ZNF723: variants seen among roughly 807,000 people sequenced by gnomAD.
ZNF723 encodes zinc finger protein 723, pseudogene.
ZNF723 carries 5 observed loss-of-function variants against 9.4 expected under a neutral mutation model. The observed-to-expected ratio is 0.53, with a 90% CI of 0.28 to 1.12. The LOEUF is 1.12. ZNF723 is among the 50% of genes most tolerant of loss of function. The pLI, the probability that ZNF723 is intolerant of heterozygous loss-of-function variation, is 0.10. For missense variants in ZNF723, 450 were observed against 501.5 expected, an observed-to-expected ratio of 0.90 and a Z score of 0.98; for synonymous variants, 158 against 168.8, an observed-to-expected ratio of 0.94 and a Z score of 0.49.
intron 1 of ZNF723, among the ~76,000 whole-genome samples, chr19:22,844,960 A>G (rs1220340359): frequency 1.3e-5 from 2 of 152,180 alleles, no homozygotes; most frequent in South Asian, 2.1e-4. Flanking sequence ...TACTAAAAAT[A>G]GAAAAAAAAT....
Position 22,857,199 on chromosome 19 carries a change from A to G in ZNF723, c.308A>G (p.Tyr103Cys). ...DSFQKVILRS[Y>C]GKYGHDNLQL... is the part of the protein sequence containing the mutation. Reference sequence around the variant, plus strand: ...TTCCAAAAAGTAATACTGAGAAGCTATGGAAAATATGGACATGACAATTTA... The same window carrying G: ...TTCCAAAAAGTAATACTGAGAAGCTGTGGAAAATATGGACATGACAATTTA... The change falls in exon 4 of 4, where the codon TAT (tyrosine) becomes TGT (cysteine). Residue 103 changes from tyrosine to cysteine, a missense_variant. By Grantham distance (194) the Tyr-to-Cys change is radical (BLOSUM62 -2). Transcript: ENST00000600766. The G allele has an allele frequency of 4.4e-6, 4 of 905,960 alleles. No homozygotes were observed. Among genetic ancestry groups the G allele is most frequent in the Non-Finnish European group, 7.1e-6 (4 of 559,914 alleles). The allele number at this position is 905,960 out of a possible 1,614,324, so 56.1% of individuals were successfully genotyped here. A position where few individuals can be genotyped will look rare whatever the true frequency, so the allele number is the denominator to read the frequency against.
rs760924027 is a variant in ZNF723, at chr19:22,846,813, C to CTTTTTTTTTT, written c.4-1429_4-1420dup. On this transcript the variant is annotated intron_variant, in intron 1 of 3. Coordinates refer to ENST00000600766, the MANE Select transcript of ZNF723 (RefSeq NM_001349726.2). ...ATGGTTGCATTCAGCCTATAATTTC[C>CTTTTTTTTTT]TTTTTTTTTTTTTTTTTTTTTTTTT... 2.2e-4 allele frequency among the ~76,000 whole-genome samples: 15 copies of CTTTTTTTTTT among 69,114 alleles called. 1 individual carries two copies. The highest frequency in any genetic ancestry group is 4.9e-4 in the East Asian group (1 of 2,046). 45.3% of individuals were successfully genotyped at this position (69,114 alleles called of 152,430 possible).
At chr19:22,828,493 A>C (rs1458355084), upstream of ZNF723, among the ~76,000 whole-genome samples, 1 of 152,062 alleles carries the variant, frequency 6.6e-6, no homozygotes, top group Non-Finnish European at 1.5e-5. Context: ...TGTCTACTAA[A>C]AATACAAAAA....
chr19:22,814,319 G>T, the ZNF723 span, among the ~76,000 whole-genome samples: 20 of 152,282 alleles, frequency 1.3e-4, no homozygotes, highest in Admixed American at 3.3e-4. Context: ...ACGTAATAGG[G>T]CCAAGCACAC....
chr19:22,853,222 C>T (rs114597774), intron 3 of ZNF723, among the ~76,000 whole-genome samples: 2,212 of 151,918 alleles, frequency 0.015, 43 homozygotes, highest in African/African-American at 0.051. Flanking sequence ...TTCTGTAGCT[C>T]GTAATGTGTT....
the ZNF723 span, among the ~76,000 whole-genome samples, chr19:22,815,200 A>G: frequency 1.3e-5 from 2 of 152,128 alleles, no homozygotes; most frequent in African/African-American, 2.4e-5. Flanking sequence ...GTATTGTTAC[A>G]TATTGCTAGG....
intron 3 of ZNF723, among the ~76,000 whole-genome samples, chr19:22,851,139 C>T (rs1431446238): frequency 6.6e-6 from 1 of 150,944 alleles, no homozygotes; most frequent in Non-Finnish European, 1.5e-5. Flanking sequence ...TCTATATTTA[C>T]ATTTAACAGA....
the ZNF723 span, among the ~76,000 whole-genome samples, chr19:22,823,156 G>A: frequency 1.3e-5 from 2 of 152,154 alleles, no homozygotes; most frequent in Non-Finnish European, 2.9e-5. Context: ...GTTTATACCA[G>A]CACATAGATC....
chr19:22,825,875 C>A, the ZNF723 span, among the ~76,000 whole-genome samples: 37 of 152,366 alleles, frequency 2.4e-4, no homozygotes, highest in African/African-American at 8.9e-4. Context: ...TGTAAGTGGA[C>A]CCAGCACCTA....
chr19:22,831,788 A>G (rs1413305714), upstream of ZNF723, among the ~76,000 whole-genome samples: 2 of 151,934 alleles, frequency 1.3e-5, no homozygotes, highest in Non-Finnish European at 2.9e-5. Context: ...GGCGCCTGTA[A>G]TCCCAGCTAC....
chr19:22,850,208 A>T (rs1482876555), intron 3 of ZNF723, among the ~76,000 whole-genome samples: 2 of 151,942 alleles, frequency 1.3e-5, no homozygotes, highest in African/African-American at 2.4e-5. Flanking sequence ...AAAAGATAGC[A>T]CTGGAGGCTT....
intron 1 of ZNF723, among the ~76,000 whole-genome samples, chr19:22,834,884 G>A (rs1043520762): frequency 1.3e-5 from 2 of 152,086 alleles, no homozygotes; most frequent in Non-Finnish European, 1.5e-5. Context: ...GTGAGAAAGT[G>A]CAAGAATTTG....
At chr19:22,837,240 G>A (rs454668) in intron 1 of ZNF723, among the ~76,000 whole-genome samples, 15,685 of 149,358 alleles carry the variant, frequency 0.11, 936 homozygotes, top group Middle Eastern at 0.16. Flanking sequence ...TTGTGCCACT[G>A]CACTCCAGCC....
At chr19:22,827,184 G>A in the ZNF723 span, among the ~76,000 whole-genome samples, 1 of 152,138 alleles carries the variant, frequency 6.6e-6, no homozygotes, top group Non-Finnish European at 1.5e-5. Flanking sequence ...CTAAAGTTGT[G>A]CTAAATAATA....
At chr19:22,832,834 C>A (rs960564609) in intron 1 of ZNF723, among the ~76,000 whole-genome samples, 3 of 152,128 alleles carry the variant, frequency 2.0e-5, no homozygotes, top group Non-Finnish European at 4.4e-5. Flanking sequence ...TTATAGAGCA[C>A]CCCTATGGGT....
In ZNF723 at chr19:22,857,981, A is replaced by C; in HGVS notation, c.1090A>C (p.Thr364Pro). ...CATTACTACACATAAGAGAATTCAC[A>C]CTGGAGAGAAACCCTACAAATGTGA... is the stretch of plus-strand genomic sequence containing the variant. ...SHITTHKRIH[T>P]GEKPYKCEEC... Residue 364 changes from threonine (T) to proline (P), a missense_variant, in exon 4 of 4, where the codon ACT becomes CCT. This residue lies in a region of ZNF723 where 237 missense variants were observed against 332.2 expected (regional missense o/e 0.71). Transcript: ENST00000600766. The C allele has an allele frequency of 6.5e-7, 1 of 1,539,638 alleles. No homozygotes were observed.
the ZNF723 span, among the ~76,000 whole-genome samples, chr19:22,818,359 C>G: frequency 6.6e-6 from 1 of 152,158 alleles, no homozygotes; most frequent in Admixed American, 6.5e-5. Context: ...AGGTTCTAAA[C>G]CTCACACCCA....
upstream of ZNF723, among the ~76,000 whole-genome samples, chr19:22,831,617 A>T (rs1034290731): frequency 2.6e-5 from 4 of 151,226 alleles, no homozygotes; most frequent in African/African-American, 4.9e-5. Context: ...TTGCCTTTTT[A>T]AAAAAAATCT....
At chr19:22,840,165 T>C (rs1232671859) in intron 1 of ZNF723, among the ~76,000 whole-genome samples, 2 of 152,068 alleles carry the variant, frequency 1.3e-5, no homozygotes, top group Admixed American at 6.6e-5. Flanking sequence ...CAATTGTTTT[T>C]AATATTTTCT....
Sources: gnomAD v4.1 joint callset for allele counts (sites outside exome capture counted in the v4.1 genomes callset) on GRCh38, gnomAD v4.1.1 for gene constraint, gnomAD v4.1.1 regional missense constraint, MANE v1.5 for transcripts, NCBI Gene and HGNC (gene_info 2026-07-23, HGNC 2026-07-21) for gene names.